The following GLYATL1 variants were observed in gnomAD, a reference collection of about 807,000 sequenced individuals.
GLYATL1 encodes glycine-N-acyltransferase like 1, also known as glycine N-acyltransferase-like protein 1.
A neutral mutation model predicts 20.0 loss-of-function variants in GLYATL1; 15 were observed. The observed-to-expected ratio is 0.75, with a 90% CI of 0.50 to 1.15. GLYATL1 has a LOEUF of 1.15. Ranked by LOEUF, GLYATL1 falls within the 50% of genes most tolerant of loss-of-function variation. The probability of loss-of-function intolerance (pLI) is 0.00; values close to 1 mark genes in which losing one functional copy is unlikely to be tolerated. For missense variants in GLYATL1, 380 were observed against 368.5 expected (o/e 1.03, Z -0.26); for synonymous variants, 151 against 131.5 (o/e 1.15, Z -1.01).
chr11:58,922,693 G>A (rs751005329), upstream of GLYATL1, among the ~76,000 whole-genome samples: 1 of 152,152 alleles, frequency 6.6e-6, no homozygotes, highest in African/African-American at 2.4e-5. Flanking sequence ...CTTTGCCTTT[G>A]TCTCTTTACC....
chr11:58,906,198 C>A (rs1232407305), intron 1 of GLYATL1, among the ~76,000 whole-genome samples: 1 of 152,164 alleles, frequency 6.6e-6, no homozygotes, highest in Non-Finnish European at 1.5e-5. Flanking sequence ...AGCCCAAAAC[C>A]AAGGAGGTTT....
intron 1 of GLYATL1, chr11:58,943,289 A>AG (rs1459446784): frequency 6.5e-7 from 1 of 1,549,674 alleles, no homozygotes; most frequent in Non-Finnish European, 8.7e-7. Context: ...AACTACTCAT[A>AG]GACTGCTGAA....
upstream of GLYATL1, chr11:58,927,609 T>G (rs1399004050): frequency 6.6e-6 from 1 of 152,358 alleles, no homozygotes; most frequent in Non-Finnish European, 1.5e-5. Context: ...TTGCCTCTGC[T>G]GCCATGTGGG....
chr11:58,930,622 T>C (rs1420526387), intron 1 of GLYATL1, among the ~76,000 whole-genome samples: 1 of 152,172 alleles, frequency 6.6e-6, no homozygotes, highest in Admixed American at 6.5e-5. Flanking sequence ...CCCCAAATTG[T>C]TTTATAATGC....
At chr11:58,905,638 G>C (rs1297007583) in exon 1 of GLYATL1, 1 of 456,042 alleles carries the variant, frequency 2.2e-6, no homozygotes, top group Admixed American at 2.4e-5. Context: ...AAGAAGCAGG[G>C]CAGTGACTGC....
chr11:58,916,744 G>C (rs1855182190), intron 1 of GLYATL1, among the ~76,000 whole-genome samples: 1 of 152,142 alleles, frequency 6.6e-6, no homozygotes, highest in African/African-American at 2.4e-5. Context: ...CCTTGTTCTT[G>C]GCATTTTAAA....
chr11:58,943,810 T>A, intron 2 of GLYATL1, 144 bp downstream of exon 2: 1 of 1,274,898 alleles, frequency 7.8e-7, no homozygotes, highest in Non-Finnish European at 1.0e-6. Context: ...ATCTTGGAAT[T>A]AACTGGCCTG....
In GLYATL1 at chr11:58,951,857, CA is replaced by C. The variant is rs541763235; in HGVS notation, c.187-2912del. On this transcript the variant is annotated intron_variant, in intron 4 of 6. Coordinates refer to ENST00000532726, the MANE Select transcript of GLYATL1 (RefSeq NM_001389712.2). ...GTAGTCTTGATTTCCAAATATGTCC[CA>C]CTGTTGTTTAAAATCCTGTTTGTGT... 7.4e-4 allele frequency among the ~76,000 whole-genome samples: 113 copies of C among 152,010 alleles called. 1 individual carries two copies. The highest frequency in any genetic ancestry group is 2.6e-3 in the African/African-American group (109 of 41,474).
At position 58,955,173 on chromosome 11, in the gene GLYATL1, C is replaced by G; in HGVS notation, c.314-3C>G. 1 of 1,611,598 alleles carries G rather than the reference C, an allele frequency of 6.2e-7. No individual in the cohort carries two copies. On this transcript the variant is annotated splice_region_variant and splice_polypyrimidine_tract_variant and intron_variant, in intron 5 of 6. Transcript: ENST00000532726. ...AAGATTGCTTTCTTGGCTTTCTTCC[C>G]AGGTCTTCAAGAAAGTTTAGGTGAG... is the stretch of plus-strand genomic sequence containing the variant.
intron 1 of GLYATL1, among the ~76,000 whole-genome samples, chr11:58,932,634 G>A (rs1172400414): frequency 6.6e-6 from 1 of 152,146 alleles, no homozygotes; most frequent in African/African-American, 2.4e-5. Context: ...CTCTCTAACT[G>A]TAAAAGTGGA....
At chr11:58,943,135 GAGA>G (rs1411366906) in intron 1 of GLYATL1, 47 of 817,354 alleles carry the variant, frequency 5.8e-5, no homozygotes, top group Non-Finnish European at 7.5e-5. Context: ...ATTACAGCCT[GAGA>G]AGGACTCTGT....
At chr11:58,916,801 C>G in intron 1 of GLYATL1, among the ~76,000 whole-genome samples, 1 of 152,330 alleles carries the variant, frequency 6.6e-6, no homozygotes, top group South Asian at 2.1e-4. Context: ...AAGAATGAAG[C>G]AATGTAAGCA....
At chr11:58,912,810 G>A (rs1855082678), downstream of GLYATL1, among the ~76,000 whole-genome samples, 1 of 152,178 alleles carries the variant, frequency 6.6e-6, no homozygotes. Context: ...GTGAAAGAGG[G>A]GCAGAGTCCC....
rs1399780171 is a variant in GLYATL1, at chr11:58,941,901, G to A, written c.-166-1642G>A. ...AAATCTGGCTTTTGTTTTAAAAGGA[G>A]CATCCTCATTTGTTATTGACGGAAG... On this transcript the variant is annotated intron_variant, in intron 1 of 6. Transcript: ENST00000532726. 3.3e-5 allele frequency among the ~76,000 whole-genome samples: 5 copies of A among 152,262 alleles called. No individual in the cohort carries two copies. The East Asian group carries it at 9.7e-4, about 29-fold the overall frequency.
chr11:58,943,816 G>A, intron 2 of GLYATL1, 150 bp downstream of exon 2: 4 of 1,235,618 alleles, frequency 3.2e-6, no homozygotes, highest in Non-Finnish European at 4.3e-6. Context: ...GAATTAACTG[G>A]CCTGGATCCA....
At chr11:58,945,862 G>T (rs148933014) in intron 2 of GLYATL1, among the ~76,000 whole-genome samples, 1 of 152,114 alleles carries the variant, frequency 6.6e-6, no homozygotes, top group African/African-American at 2.4e-5. Context: ...TCTTGCAAAA[G>T]GATGCCTTTG....
chr11:58,910,130 A>G (rs766126578), downstream of GLYATL1, among the ~76,000 whole-genome samples: 6 of 135,484 alleles, frequency 4.4e-5, no homozygotes, highest in Admixed American at 8.0e-5. Context: ...ATATTCTTAA[A>G]CTGGCATGAA....
chr11:58,906,230 CCCGTTGTGGTAATTCCCTT>C (rs1240451612), intron 1 of GLYATL1, among the ~76,000 whole-genome samples: 54 of 152,290 alleles, frequency 3.5e-4, no homozygotes, highest in African/African-American at 1.3e-3. Context: ...CTGGGCCCCG[CCCGTTGTGGTAATTCCCTT>C]CCTGCCTCTC....
At chr11:58,938,811 G>C (rs1855953670), upstream of GLYATL1, among the ~76,000 whole-genome samples, 1 of 152,184 alleles carries the variant, frequency 6.6e-6, no homozygotes. Context: ...AGAGACTCCA[G>C]AGCTGGTCTG....
Sources: allele counts gnomAD v4.1 joint callset (sites outside exome capture counted in the v4.1 genomes callset), GRCh38; gene constraint gnomAD v4.1.1; transcripts MANE v1.5; gene names NCBI Gene and HGNC (gene_info 2026-07-23, HGNC 2026-07-21).